CACNA1A: variants seen among roughly 807,000 people sequenced by gnomAD.
The protein encoded by CACNA1A is voltage-dependent P/Q-type calcium channel subunit alpha-1A.
In CACNA1A, 57 loss-of-function variants were observed where a neutral mutation model predicts 262.4. The observed-to-expected ratio is 0.22, with a 90% CI of 0.18 to 0.27. CACNA1A has a LOEUF of 0.27. CACNA1A is among the 10% of genes least tolerant of loss of function. The pLI is 1.00. For synonymous variants in CACNA1A, 1,431 were observed against 1,419.3 expected (o/e 1.01, Z -0.18); for missense variants, 2,526 against 3,562.8 (o/e 0.71, Z 7.41).
At chr19:13,450,187 G>A (rs1416919065) in intron 3 of CACNA1A, among the ~76,000 whole-genome samples, 1 of 150,632 alleles carries the variant, frequency 6.6e-6, no homozygotes, top group African/African-American at 2.4e-5. Flanking sequence ...TTTGATAGCA[G>A]GTTACTCCAT....
At position 13,332,461 on chromosome 19, in the gene CACNA1A, G is replaced by C. The variant is rs567465172; in HGVS notation, c.1255+408C>G. ...CTGTCTCGTTAAGTTTCTAACATGG[G>C]AGACAGCAGCCGTTCACAGTAAACT... On this transcript the variant is annotated intron_variant, in intron 9 of 46. Transcript: ENST00000360228. 2.6e-5 allele frequency among the ~76,000 whole-genome samples: 4 copies of C among 152,170 alleles called. No individual in the cohort carries two copies. The South Asian group carries it at 8.3e-4, about 32-fold the overall frequency.
intron 4 of CACNA1A, chr19:13,370,729 G>A (rs2059308017): frequency 1.4e-5 from 2 of 145,630 alleles, no homozygotes. Context: ...CAGTCAACCT[G>A]GCTAATTTCT....
Position 13,210,767 on chromosome 19 carries a change from G to C in CACNA1A, c.6304-115C>G. Reference sequence around the variant, plus strand: ...CATGGAGAAGAAGCCAAGGAGGGGAGTGGCACTGGCATCAAGAGAAATCGG... The same window carrying C: ...CATGGAGAAGAAGCCAAGGAGGGGACTGGCACTGGCATCAAGAGAAATCGG... On this transcript the variant is annotated intron_variant, in intron 43 of 46. Transcript: ENST00000360228. The C allele has an allele frequency of 2.9e-6, 3 of 1,048,290 alleles. No individual in the cohort carries two copies. The South Asian group carries it at 4.1e-5, about 14-fold the overall frequency. 64.9% of individuals were successfully genotyped at this position (1,048,290 alleles called of 1,614,324 possible). A position where few individuals can be genotyped will look rare whatever the true frequency, so the allele number is the denominator to read the frequency against.
chr19:13,225,066 G>A (rs1272652658), intron 37 of CACNA1A: 17 of 227,872 alleles, frequency 7.5e-5, no homozygotes, highest in Admixed American at 7.3e-4. Context: ...CCCCACCCCC[G>A]CCCTGCCCCA....
At chr19:13,497,332 T>C (rs1283098190) in intron 1 of CACNA1A, among the ~76,000 whole-genome samples, 2 of 149,712 alleles carry the variant, frequency 1.3e-5, no homozygotes, top group Non-Finnish European at 3.0e-5. Flanking sequence ...TACAGCAGCA[T>C]TGTTCATAAC....
At chr19:13,493,976 C>A (rs969065931) in intron 1 of CACNA1A, among the ~76,000 whole-genome samples, 2 of 152,220 alleles carry the variant, frequency 1.3e-5, no homozygotes, top group African/African-American at 4.8e-5. Flanking sequence ...AAACAAAACA[C>A]CCCTTTCTCT....
At chr19:13,275,787 T>C in intron 24 of CACNA1A, 63 bp downstream of exon 24, 3 of 1,106,806 alleles carry the variant, frequency 2.7e-6, no homozygotes, top group Non-Finnish European at 4.1e-6. Flanking sequence ...TGTAATCCGA[T>C]GTGTGGCCCA....
chr19:13,445,998 G>A (rs1038858321), intron 3 of CACNA1A, among the ~76,000 whole-genome samples: 1 of 152,146 alleles, frequency 6.6e-6, no homozygotes, highest in Non-Finnish European at 1.5e-5. Flanking sequence ...CATTAGGCCG[G>A]GCACGGTGGC....
intron 5 of CACNA1A, 135 bp from the exon 6 acceptor site, chr19:13,359,934 CAA>C: frequency 4.3e-6 from 2 of 459,776 alleles, no homozygotes; most frequent in Non-Finnish European, 3.7e-6. Context: ...TCAAAGAGAT[CAA>C]TGTTTGGCTT....
Position 13,299,449 on chromosome 19 carries a change from C to T in CACNA1A, c.2280-96G>A, listed in dbSNP as rs949640737. On this transcript the variant is annotated intron_variant, in intron 18 of 46. Coordinates refer to ENST00000360228, the MANE Select transcript of CACNA1A (RefSeq NM_001127222.2). ...CCAACCCACATCTCAGCCTCCCACT[C>T]CTGCTCTCCACCCTCTACTCCCCAC... is the stretch of plus-strand genomic sequence containing the variant. 3.1e-6 allele frequency: 3 copies of T among 980,992 alleles called. No homozygotes were observed. The Admixed American group carries it at 5.3e-5, about 17-fold the overall frequency. 60.8% of individuals were successfully genotyped at this position (980,992 alleles called of 1,614,324 possible).
At chr19:13,378,754 G>A (rs1220336614) in intron 3 of CACNA1A, among the ~76,000 whole-genome samples, 3 of 148,884 alleles carry the variant, frequency 2.0e-5, no homozygotes, top group Non-Finnish European at 3.0e-5. Context: ...TCTCCCCCCC[G>A]CCTCCCAGGT....
intron 3 of CACNA1A, among the ~76,000 whole-genome samples, chr19:13,395,286 A>G (rs1273292184): frequency 4.0e-5 from 6 of 148,804 alleles, no homozygotes; most frequent in South Asian, 2.1e-4. Context: ...AAAAAAAAAA[A>G]AAAAGAAAAG....
intron 30 of CACNA1A, among the ~76,000 whole-genome samples, chr19:13,248,455 A>G (rs2144706596): frequency 6.7e-6 from 1 of 149,984 alleles, no homozygotes; most frequent in African/African-American, 2.5e-5. Context: ...GGGGAAGCTC[A>G]GTGCTGGCTC....
At chr19:13,209,216 C>A in intron 45 of CACNA1A, 96 bp downstream of exon 45, 1 of 1,380,474 alleles carries the variant, frequency 7.2e-7, no homozygotes, top group South Asian at 1.5e-5. Context: ...GGAGGCCTCT[C>A]CCTTTCTTCT....
chr19:13,372,058 G>T (rs2059332222), intron 3 of CACNA1A, among the ~76,000 whole-genome samples: 1 of 152,182 alleles, frequency 6.6e-6, no homozygotes, highest in Non-Finnish European at 1.5e-5. Context: ...CAAGGTTGGG[G>T]TGACATTCAG....
chr19:13,290,318 A>T (rs2057503795), intron 19 of CACNA1A, among the ~76,000 whole-genome samples: 1 of 151,960 alleles, frequency 6.6e-6, no homozygotes, highest in Non-Finnish European at 1.5e-5. Context: ...CCTGCTTGTG[A>T]TGCTTTTTGA....
chr19:13,431,536 T>C (rs1159865584), intron 3 of CACNA1A, among the ~76,000 whole-genome samples: 1 of 151,846 alleles, frequency 6.6e-6, no homozygotes, highest in African/African-American at 2.4e-5. Context: ...TTGGAGGAGC[T>C]GTAATCCCTC....
chr19:13,247,579 AGTCCCAGC>A (rs1172003817), intron 30 of CACNA1A, among the ~76,000 whole-genome samples: 1 of 152,096 alleles, frequency 6.6e-6, no homozygotes, highest in East Asian at 1.9e-4. Context: ...GCGCGCCTGT[AGTCCCAGC>A]TACTCCGGAG....
intron 3 of CACNA1A, among the ~76,000 whole-genome samples, chr19:13,444,252 G>A (rs1427655629): frequency 1.3e-5 from 2 of 152,188 alleles, no homozygotes; most frequent in Admixed American, 6.5e-5. Context: ...TCCATGGAGG[G>A]GAGAAACTAC....
Sources: allele counts gnomAD v4.1 joint callset (sites outside exome capture counted in the v4.1 genomes callset), GRCh38; gene constraint gnomAD v4.1.1; transcripts MANE v1.5; gene names NCBI Gene and HGNC (gene_info 2026-07-23, HGNC 2026-07-21).